Variants in HIPK2 observed in about 807,000 individuals in gnomAD.
HIPK2 encodes the protein homeodomain interacting protein kinase 2.
In HIPK2, 27 loss-of-function variants were observed where a neutral mutation model predicts 113.7. The ratio of observed to expected loss-of-function variants is 0.24; its 90% CI spans 0.17 to 0.33. The LOEUF is 0.33. HIPK2 is among the 10% of genes least tolerant of loss of function. The pLI, the probability that HIPK2 is intolerant of heterozygous loss-of-function variation, is 1.00. For synonymous variants in HIPK2, 631 were observed against 642.2 expected (o/e 0.98, Z 0.26); for missense variants, 1,257 against 1,588.0 (o/e 0.79, Z 3.54).
chr7:139,777,540 G>A, intron 1 of HIPK2, 65 bp downstream of exon 1: 4 of 802,848 alleles, frequency 5.0e-6, no homozygotes, highest in South Asian at 5.5e-5. Flanking sequence ...GCCGCGGGCA[G>A]AACAAAGCTG....
At chr7:139,659,089 A>G (rs1801774931) in intron 2 of HIPK2, among the ~76,000 whole-genome samples, 1 of 152,190 alleles carries the variant, frequency 6.6e-6, no homozygotes, top group Non-Finnish European at 1.5e-5. Flanking sequence ...TTGGCTGACC[A>G]AAAACAATAG....
At chr7:139,739,070 A>C (rs1796024968) in intron 1 of HIPK2, among the ~76,000 whole-genome samples, 1 of 152,192 alleles carries the variant, frequency 6.6e-6, no homozygotes, top group South Asian at 2.1e-4. Context: ...CCTGTCCATG[A>C]AGGACTTGGC....
In HIPK2 at chr7:139,613,881, T is replaced by G. The variant is rs1799925204; in HGVS notation, c.1990+405A>C. Among the ~76,000 whole-genome samples, 1 of 152,212 alleles carries G rather than the reference T, an allele frequency of 6.6e-6. No homozygotes were observed. Among genetic ancestry groups the G allele is most frequent in the Non-Finnish European group, 1.5e-5 (1 of 68,042 alleles). On this transcript the variant is annotated intron_variant, in intron 8 of 14. Transcript: ENST00000406875. This position sits in a 1 kb window ranked among gnomAD's most constrained non-coding sequence, Gnocchi z 4.2. ...GAAGTACTTTTCAGACTGATGGATA[T>G]TCTTCATGGGAGCTGGGACTATGTC...
intron 2 of HIPK2, among the ~76,000 whole-genome samples, chr7:139,649,246 C>G (rs912520953): frequency 4.6e-5 from 7 of 152,166 alleles, no homozygotes; most frequent in African/African-American, 1.4e-4. Flanking sequence ...ACCACTGCTG[C>G]GGCGGGTGGC....
chr7:139,725,995 A>C (rs1313713328), intron 1 of HIPK2, among the ~76,000 whole-genome samples: 1 of 152,248 alleles, frequency 6.6e-6, no homozygotes, highest in African/African-American at 2.4e-5. Context: ...AAGTGAAGGA[A>C]GACAGACTGA....
At chr7:139,666,042 T>C (rs1047466307) in intron 2 of HIPK2, among the ~76,000 whole-genome samples, 7 of 151,878 alleles carry the variant, frequency 4.6e-5, no homozygotes, top group East Asian at 1.9e-4. Flanking sequence ...ACAGTGACTA[T>C]TGGGGGCCAG....
intron 9 of HIPK2, among the ~76,000 whole-genome samples, chr7:139,609,995 T>G (rs1585272628): frequency 6.6e-6 from 1 of 152,358 alleles, no homozygotes; most frequent in African/African-American, 2.4e-5. Context: ...ACAGTAGCAA[T>G]TAAAATCCTT....
At chr7:139,584,665 C>T (rs747946437) in intron 12 of HIPK2, among the ~76,000 whole-genome samples, 3 of 152,228 alleles carry the variant, frequency 2.0e-5, no homozygotes, top group East Asian at 1.9e-4. Context: ...AGAGTTGACA[C>T]CCTCTGCCTC....
At chr7:139,648,718 G>A (rs901790984) in intron 2 of HIPK2, among the ~76,000 whole-genome samples, 5 of 152,062 alleles carry the variant, frequency 3.3e-5, no homozygotes, top group African/African-American at 7.2e-5. Context: ...TACGGAGGAC[G>A]GAGGACGGCT....
chr7:139,690,312 G>A (rs1794364350), intron 2 of HIPK2, among the ~76,000 whole-genome samples: 1 of 152,156 alleles, frequency 6.6e-6, no homozygotes, highest in South Asian at 2.1e-4. Context: ...GGGCCAAGAA[G>A]AGTAGGGACA....
chr7:139,687,552 TAA>T (rs1286696669), intron 2 of HIPK2, among the ~76,000 whole-genome samples: 2 of 152,212 alleles, frequency 1.3e-5, no homozygotes, highest in African/African-American at 2.4e-5. Context: ...TAATGTTGCT[TAA>T]GAATTTTGGT....
At chr7:139,763,509 G>C (rs565516162) in intron 1 of HIPK2, among the ~76,000 whole-genome samples, 2 of 123,374 alleles carry the variant, frequency 1.6e-5, no homozygotes, top group Non-Finnish European at 3.2e-5. Context: ...CACGTGACTC[G>C]TGTATGTATT....
chr7:139,733,939 G>A (rs1031276261), intron 1 of HIPK2, among the ~76,000 whole-genome samples: 3 of 152,210 alleles, frequency 2.0e-5, no homozygotes, highest in African/African-American at 4.8e-5. Flanking sequence ...GTAACAAAGA[G>A]CAGAGACCCC....
intron 11 of HIPK2, 87 bp downstream of exon 11, chr7:139,600,330 G>A (rs1221826651): frequency 8.4e-6 from 12 of 1,434,148 alleles, no homozygotes; most frequent in Non-Finnish European, 9.5e-6. Flanking sequence ...CATGTTCAGA[G>A]TGGGTGCTGA....
In HIPK2 at chr7:139,578,372, C is replaced by G. The variant is rs185505017; in HGVS notation, c.2966-3084G>C. Among the ~76,000 whole-genome samples, 385 of 152,254 alleles carry G rather than the reference C, an allele frequency of 2.5e-3. 2 individuals carry two copies. The highest frequency in any genetic ancestry group is 9.0e-3 in the African/African-American group (372 of 41,530). On this transcript the variant is annotated intron_variant, in intron 13 of 14. Transcript: ENST00000406875. ...TGTTAGCCAGGCTGGTCGTGAACTCCTGACCTCAAGTGATTTGCCTGCCTC... is the reference window on the plus strand; with the variant it reads ...TGTTAGCCAGGCTGGTCGTGAACTCGTGACCTCAAGTGATTTGCCTGCCTC...
chr7:139,697,460 A>G (rs1794597952), intron 2 of HIPK2, among the ~76,000 whole-genome samples: 1 of 152,202 alleles, frequency 6.6e-6, no homozygotes, highest in Non-Finnish European at 1.5e-5. Flanking sequence ...TCTCAAAGAT[A>G]CTCTCATTCT....
rs6962437 is a variant in HIPK2 at position 139,651,099 on chromosome 7, T to C, written c.1104-19374A>G. Reference sequence around the variant, plus strand: ...AGGGAGCACGCAGAGAAGCTCTGGATTTGTGTTTCCAACAAGCCTTAGGTC... The same window carrying C: ...AGGGAGCACGCAGAGAAGCTCTGGACTTGTGTTTCCAACAAGCCTTAGGTC... On this transcript the variant is annotated intron_variant, in intron 2 of 14. Transcript: ENST00000406875. 7.2e-3 allele frequency among the ~76,000 whole-genome samples: 1,099 copies of C among 152,308 alleles called. 18 individuals are homozygous for C. The highest frequency in any genetic ancestry group is 0.025 in the African/African-American group (1,042 of 41,566).
intron 9 of HIPK2, among the ~76,000 whole-genome samples, chr7:139,607,096 C>T (rs964207681): frequency 6.6e-6 from 1 of 151,978 alleles, no homozygotes; most frequent in Non-Finnish European, 1.5e-5. Context: ...AGAGAACAAA[C>T]TCTTGGAAAT....
At chr7:139,672,648 T>G (rs1035538592) in intron 2 of HIPK2, among the ~76,000 whole-genome samples, 1 of 152,090 alleles carries the variant, frequency 6.6e-6, no homozygotes, top group African/African-American at 2.4e-5. Flanking sequence ...TCAGTAGTGA[T>G]GGGGTTTCGC....
Sources: gnomAD v4.1 joint callset for allele counts (sites outside exome capture counted in the v4.1 genomes callset) on GRCh38, gnomAD v4.1.1 for gene constraint, Gnocchi (gnomAD v3.1) non-coding constraint, MANE v1.5 for transcripts, NCBI Gene and HGNC (gene_info 2026-07-23, HGNC 2026-07-21) for gene names.